The following JARID2 variants were observed in gnomAD, a reference collection of about 807,000 sequenced individuals.
JARID2 encodes the protein jumonji and AT-rich interaction domain containing 2.
A neutral mutation model predicts 125.6 loss-of-function variants in JARID2; 21 were observed. That is an observed-to-expected ratio of 0.17 (90% CI 0.12 to 0.24). The LOEUF (loss-of-function observed/expected upper bound fraction) is 0.24, where lower values mean the gene tolerates loss of function less well. JARID2 is among the 10% of genes least tolerant of loss of function. The pLI is 1.00. For synonymous variants in JARID2, 736 were observed against 661.6 expected (o/e 1.11, Z -1.73); for missense variants, 1,303 against 1,639.6 (o/e 0.79, Z 3.55).
At chr6:15,415,246 C>T (rs1351358933) in intron 3 of JARID2, among the ~76,000 whole-genome samples, 3 of 152,260 alleles carry the variant, frequency 2.0e-5, no homozygotes, top group Non-Finnish European at 2.9e-5. Context: ...CATCCGATCT[C>T]TCAATCCCTT....
chr6:15,393,686 A>G (rs1937548885), intron 2 of JARID2, among the ~76,000 whole-genome samples: 1 of 152,234 alleles, frequency 6.6e-6, no homozygotes, highest in Admixed American at 6.5e-5. Flanking sequence ...TTTTAAGGAA[A>G]ATGCCAGGAA....
intron 1 of JARID2, among the ~76,000 whole-genome samples, chr6:15,254,659 A>G (rs1479092023): frequency 6.6e-6 from 1 of 152,166 alleles, no homozygotes; most frequent in Non-Finnish European, 1.5e-5. Context: ...GTCAAGCTCC[A>G]CCACCCATGA....
chr6:15,494,369 C>G (rs1770300413), intron 6 of JARID2, among the ~76,000 whole-genome samples: 1 of 144,100 alleles, frequency 6.9e-6, no homozygotes, highest in Non-Finnish European at 1.5e-5. Context: ...CATCAGCCCT[C>G]TAGGGGATGC....
chr6:15,377,212 T>C (rs1291088551), intron 2 of JARID2, among the ~76,000 whole-genome samples: 5 of 152,132 alleles, frequency 3.3e-5, no homozygotes, highest in African/African-American at 7.2e-5. Flanking sequence ...AGTGGTTTAA[T>C]TGGACTTACA....
intron 2 of JARID2, among the ~76,000 whole-genome samples, chr6:15,384,313 C>T (rs1172328868): frequency 1.3e-5 from 2 of 151,802 alleles, no homozygotes; most frequent in African/African-American, 4.8e-5. Flanking sequence ...TCTTGAACTC[C>T]TGGGCTTAGC....
chr6:15,308,539 C>G (rs939586171), intron 1 of JARID2, among the ~76,000 whole-genome samples: 1 of 152,162 alleles, frequency 6.6e-6, no homozygotes, highest in Non-Finnish European at 1.5e-5. Context: ...AGAGAGAGTC[C>G]TGTTTTCTCC....
chr6:15,249,141 C>T (rs910037195), intron 1 of JARID2, among the ~76,000 whole-genome samples: 1 of 152,220 alleles, frequency 6.6e-6, no homozygotes, highest in East Asian at 1.9e-4. Flanking sequence ...TGTCCCCTCT[C>T]CAGTGCTTAT....
rs774574181 is a variant in JARID2, at chr6:15,501,317, C to G, written c.2356C>G (p.Arg786Gly). 17 of 1,609,440 alleles carry G rather than the reference C, an allele frequency of 1.1e-5. No individual in the cohort carries two copies. Among genetic ancestry groups the G allele is most frequent in the Non-Finnish European group, 1.4e-5 (16 of 1,177,312 alleles). ...GGGCCAGGCCCAGTTGAAGACTGGC[C>G]GGCGGCGACTCTTCGCTCAGGAAAA... ...EVGQAQLKTG[R>G]RRLFAQEKEV... Residue 786 changes from arginine (R) to glycine (G), a missense_variant, in exon 8 of 18, where the codon CGG becomes GGG. Arg to Gly is a moderately radical substitution (Grantham distance 125, BLOSUM62 -2). Around this residue, in one of 11 missense-constraint regions of JARID2, gnomAD observed 124 missense variants for 131.0 expected, o/e 0.95. Coordinates refer to ENST00000341776, the MANE Select transcript of JARID2 (RefSeq NM_004973.4).
At chr6:15,436,817 T>A (rs1767225323) in intron 3 of JARID2, among the ~76,000 whole-genome samples, 1 of 152,150 alleles carries the variant, frequency 6.6e-6, no homozygotes, top group South Asian at 2.1e-4. Context: ...TTGTGATTTT[T>A]TTTTTCCCCC....
chr6:15,385,130 C>G (rs530005570), intron 2 of JARID2, among the ~76,000 whole-genome samples: 5 of 152,340 alleles, frequency 3.3e-5, no homozygotes, highest in African/African-American at 9.6e-5. Context: ...TCATGGCTGG[C>G]CACTTGATTG....
chr6:15,476,026 TA>T (rs1483856147), intron 5 of JARID2, among the ~76,000 whole-genome samples: 1 of 152,214 alleles, frequency 6.6e-6, no homozygotes, highest in African/African-American at 2.4e-5. Context: ...GTATTTCTCT[TA>T]TCAGATTTGT....
intron 1 of JARID2, among the ~76,000 whole-genome samples, chr6:15,288,470 A>G (rs1055583244): frequency 1.3e-5 from 2 of 152,224 alleles, no homozygotes; most frequent in Non-Finnish European, 2.9e-5. Context: ...TTACATTTCA[A>G]CATGAAATTT....
intron 8 of JARID2, among the ~76,000 whole-genome samples, chr6:15,503,425 C>T (rs1770837420): frequency 6.6e-6 from 1 of 152,254 alleles, no homozygotes; most frequent in Non-Finnish European, 1.5e-5. Context: ...CCGACTACGA[C>T]TGTGGACCCA....
chr6:15,329,122 A>G (rs1300562937), intron 1 of JARID2, among the ~76,000 whole-genome samples: 2 of 152,200 alleles, frequency 1.3e-5, no homozygotes, highest in African/African-American at 4.8e-5. Flanking sequence ...ACCCAAAGAA[A>G]TAATCTTTGT....
intron 1 of JARID2, among the ~76,000 whole-genome samples, chr6:15,307,664 T>TA (rs1561783667): frequency 6.6e-6 from 1 of 152,194 alleles, no homozygotes; most frequent in Non-Finnish European, 1.5e-5. Flanking sequence ...TCTGATGACT[T>TA]ACCTCTATTG....
intron 2 of JARID2, among the ~76,000 whole-genome samples, chr6:15,386,320 G>T (rs1446889058): frequency 6.7e-6 from 1 of 149,094 alleles, no homozygotes; most frequent in African/African-American, 2.5e-5. Context: ...GGGTGTGTGT[G>T]TATGTGTGTG....
chr6:15,482,215 C>T (rs1769653061), intron 5 of JARID2, among the ~76,000 whole-genome samples: 2 of 152,220 alleles, frequency 1.3e-5, no homozygotes, highest in African/African-American at 4.8e-5. Flanking sequence ...TTATGTGACA[C>T]ATCAAGCTTC....
In JARID2 at chr6:15,329,925, G is replaced by A. The variant is rs539786217; in HGVS notation, c.46-44192G>A. Among the ~76,000 whole-genome samples, 8 of 152,214 alleles carry A rather than the reference G, an allele frequency of 5.3e-5. 1 individual carries two copies. In the East Asian group the frequency reaches 1.5e-3, roughly 29 times the overall value. On this transcript the variant is annotated intron_variant, in intron 1 of 17. Coordinates refer to ENST00000341776, the MANE Select transcript of JARID2 (RefSeq NM_004973.4). ...CATATATTTCTTTACATACAGCTCA[G>A]AGCTCAACATTGAAATAGATGTTCA...
intron 5 of JARID2, among the ~76,000 whole-genome samples, chr6:15,475,124 C>T (rs1706067379): frequency 6.6e-6 from 1 of 152,188 alleles, no homozygotes; most frequent in Admixed American, 6.5e-5. Context: ...AGGTCCATTT[C>T]TCTGTAAGTT....
Sources: allele counts gnomAD v4.1 joint callset (sites outside exome capture counted in the v4.1 genomes callset), GRCh38; gene constraint gnomAD v4.1.1; regional missense constraint gnomAD v4.1.1; transcripts MANE v1.5; gene names NCBI Gene and HGNC (gene_info 2026-07-23, HGNC 2026-07-21).